GALNT18: variants seen among roughly 807,000 people sequenced by gnomAD.
GALNT18 encodes GalNAc-transferase 18.
A neutral mutation model predicts 69.5 loss-of-function variants in GALNT18; 44 were observed. The observed-to-expected ratio is 0.63, with a 90% CI of 0.50 to 0.81. The LOEUF (loss-of-function observed/expected upper bound fraction) is 0.81, where lower values mean the gene tolerates loss of function less well. Ranked by LOEUF, GALNT18 falls within the 40% of genes least tolerant of loss-of-function variation. The pLI is 0.00. For synonymous variants in GALNT18, 364 were observed against 318.2 expected (o/e 1.14, Z -1.53); for missense variants, 715 against 810.0 (o/e 0.88, Z 1.42).
chr11:11,336,309 G>T (rs1376961770), intron 7 of GALNT18, among the ~76,000 whole-genome samples: 2 of 152,172 alleles, frequency 1.3e-5, no homozygotes, highest in Non-Finnish European at 2.9e-5. Context: ...CCTGCTAAGG[G>T]AGCAGGTGAG....
chr11:11,466,983 C>T (rs1856167847), intron 1 of GALNT18, among the ~76,000 whole-genome samples: 1 of 152,180 alleles, frequency 6.6e-6, no homozygotes. Flanking sequence ...TACTGGGAGT[C>T]AGAAGCCCTG....
At chr11:11,462,973 C>T (rs1856078193) in intron 1 of GALNT18, among the ~76,000 whole-genome samples, 1 of 152,160 alleles carries the variant, frequency 6.6e-6, no homozygotes, top group African/African-American at 2.4e-5. Flanking sequence ...CCTCCTCTCT[C>T]AGAGACCCCT....
At chr11:11,510,092 G>A (rs1413769677) in intron 1 of GALNT18, among the ~76,000 whole-genome samples, 2 of 152,130 alleles carry the variant, frequency 1.3e-5, no homozygotes, top group African/African-American at 4.8e-5. Context: ...GCCACAGCAT[G>A]GAAAACTCAA....
chr11:11,283,407 A>G (rs1345787869), intron 10 of GALNT18, among the ~76,000 whole-genome samples: 1 of 152,162 alleles, frequency 6.6e-6, no homozygotes, highest in Non-Finnish European at 1.5e-5. Context: ...TCAGCCTCCC[A>G]AAGTGCTGGA....
Position 11,415,204 on chromosome 11 carries a change from A to T in GALNT18, c.595+17417T>A, listed in dbSNP as rs1345117753. ...CTGCTTTCAGAAGGTTCATGTGATT[A>T]TGTCAGGCCCAACCAACCGATTGGG... On this transcript the variant is annotated intron_variant, in intron 3 of 10. Transcript: ENST00000227756. This position sits in a 1 kb window ranked among gnomAD's most constrained non-coding sequence, Gnocchi z 4.1. Among the ~76,000 whole-genome samples the T allele has an allele frequency of 1.3e-5, 2 of 152,184 alleles. No homozygotes were observed. The highest frequency in any genetic ancestry group is 4.8e-5 in the African/African-American group (2 of 41,440).
chr11:11,295,735 G>C (rs1240250325), intron 9 of GALNT18, among the ~76,000 whole-genome samples: 1 of 152,082 alleles, frequency 6.6e-6, no homozygotes. Flanking sequence ...TATCAAGCTT[G>C]GCAAATCCAT....
intron 1 of GALNT18, among the ~76,000 whole-genome samples, chr11:11,608,386 G>A (rs566399046): frequency 2.0e-5 from 3 of 152,034 alleles, no homozygotes; most frequent in Non-Finnish European, 4.4e-5. Flanking sequence ...TTGAGACAGA[G>A]TCTTGCTCTG....
At chr11:11,607,823 C>T (rs1332492219) in intron 1 of GALNT18, among the ~76,000 whole-genome samples, 1 of 152,206 alleles carries the variant, frequency 6.6e-6, no homozygotes, top group Non-Finnish European at 1.5e-5. Flanking sequence ...ACTAACCCAC[C>T]AGGTAACCAG....
rs7945106 is a variant in GALNT18 at position 11,389,178 on chromosome 11, G to A, written c.596-9914C>T. Among the ~76,000 whole-genome samples, 20,411 of 152,218 alleles carry A rather than the reference G, an allele frequency of 0.13. 1,444 individuals carry two copies. The highest frequency in any genetic ancestry group is 0.2 in the Middle Eastern group (59 of 294). ...TAAAGAACATATTCCAAGTAACACA[G>A]AAGGTAAGGAAGGAGCAGGATTCGA... On this transcript the variant is annotated intron_variant, in intron 3 of 10. Transcript: ENST00000227756. The surrounding 1 kb of genome is among the most constrained non-coding windows in gnomAD (Gnocchi z 4.3).
intron 1 of GALNT18, among the ~76,000 whole-genome samples, chr11:11,476,702 T>C (rs1171158729): frequency 6.6e-6 from 1 of 152,130 alleles, no homozygotes; most frequent in Non-Finnish European, 1.5e-5. Context: ...CATTTAGATA[T>C]TTGAGATGGC....
At chr11:11,276,367 C>A (rs148720673) in intron 10 of GALNT18, among the ~76,000 whole-genome samples, 1 of 152,150 alleles carries the variant, frequency 6.6e-6, no homozygotes. Context: ...GTGATTTTTG[C>A]ACATTGATTT....
chr11:11,403,774 C>T (rs1372355356), intron 3 of GALNT18, among the ~76,000 whole-genome samples: 4 of 152,262 alleles, frequency 2.6e-5, no homozygotes, highest in East Asian at 3.9e-4. Flanking sequence ...ACTGCTGTGC[C>T]AACTCTCCCC....
In GALNT18 at chr11:11,382,953, C is replaced by G. The variant is rs556160946; in HGVS notation, c.596-3689G>C. On this transcript the variant is annotated intron_variant, in intron 3 of 10. Transcript: ENST00000227756. The surrounding 1 kb of genome is among the most constrained non-coding windows in gnomAD (Gnocchi z 4.3). Reference sequence around the variant, plus strand: ...GAGTCAATGTGCAGCTGTCGATAGCCCATGTTGACAGAGAAATACAATTTG... The same window carrying G: ...GAGTCAATGTGCAGCTGTCGATAGCGCATGTTGACAGAGAAATACAATTTG... Among the ~76,000 whole-genome samples, 2 of 152,200 alleles carry G rather than the reference C, an allele frequency of 1.3e-5. No individual in the cohort carries two copies. Among genetic ancestry groups the G allele is most frequent in the East Asian group, 3.9e-4 (2 of 5,178 alleles).
intron 3 of GALNT18, among the ~76,000 whole-genome samples, chr11:11,422,555 T>C (rs1032350428): frequency 6.6e-6 from 1 of 152,222 alleles, no homozygotes; most frequent in Non-Finnish European, 1.5e-5. Flanking sequence ...ATTAGCTACA[T>C]GGGATTCTTT....
chr11:11,343,734 C>T (rs1850251389), intron 6 of GALNT18, among the ~76,000 whole-genome samples: 1 of 152,188 alleles, frequency 6.6e-6, no homozygotes. Flanking sequence ...TATTGCTTGA[C>T]ATATTTCAAC....
chr11:11,276,326 G>T (rs1020376163), intron 10 of GALNT18, among the ~76,000 whole-genome samples: 3 of 118,570 alleles, frequency 2.5e-5, no homozygotes, highest in Non-Finnish European at 1.9e-5. Flanking sequence ...TGATTTGGCT[G>T]TTTGTCTTTT....
intron 3 of GALNT18, among the ~76,000 whole-genome samples, chr11:11,380,245 T>C (rs1270124442): frequency 6.6e-6 from 1 of 152,214 alleles, no homozygotes; most frequent in Non-Finnish European, 1.5e-5. Flanking sequence ...CAATGGGACC[T>C]ATTTTGGAGC....
chr11:11,506,524 C>G (rs58105813), intron 1 of GALNT18, among the ~76,000 whole-genome samples: 1 of 152,202 alleles, frequency 6.6e-6, no homozygotes, highest in African/African-American at 2.4e-5. Context: ...AGTGCTTGCA[C>G]TGAAGACAGT....
chr11:11,271,428 C>G, intron 10 of GALNT18, 138 bp from the exon 11 acceptor site: 1 of 809,772 alleles, frequency 1.2e-6, no homozygotes, highest in South Asian at 1.6e-5. Flanking sequence ...TCCCATGAAA[C>G]TGCAGGCTCC....
Sources: allele counts gnomAD v4.1 joint callset (sites outside exome capture counted in the v4.1 genomes callset), GRCh38; gene constraint gnomAD v4.1.1; non-coding constraint Gnocchi (gnomAD v3.1); transcripts MANE v1.5; gene names NCBI Gene and HGNC (gene_info 2026-07-23, HGNC 2026-07-21).